The following FAT3 variants were observed in gnomAD, a reference collection of about 807,000 sequenced individuals.
FAT3 encodes protocadherin Fat 3.
FAT3 carries 95 observed loss-of-function variants against 310.2 expected under a neutral mutation model. The observed-to-expected ratio is 0.31, with a 90% CI of 0.26 to 0.36. FAT3 has a LOEUF of 0.36. FAT3 is among the 10% of genes least tolerant of loss of function. The pLI is 1.00. For synonymous variants in FAT3, 2,314 were observed against 2,192.9 expected, an observed-to-expected ratio of 1.06 and a Z score of -1.54; for missense variants, 5,408 against 5,715.6, an observed-to-expected ratio of 0.95 and a Z score of 1.74.
chr11:92,638,816 A>G (rs1941859892), intron 3 of FAT3, among the ~76,000 whole-genome samples: 1 of 152,146 alleles, frequency 6.6e-6, no homozygotes, highest in East Asian at 1.9e-4. Context: ...GTGAACTGTC[A>G]GTGTTTTTAA....
intron 1 of FAT3, among the ~76,000 whole-genome samples, chr11:92,333,352 G>A (rs1947967848): frequency 6.6e-6 from 1 of 152,090 alleles, no homozygotes; most frequent in South Asian, 2.1e-4. Flanking sequence ...TTCTCCTTAA[G>A]TCATATTAGT....
rs191634014 is a variant in FAT3 at position 92,469,329 on chromosome 11, A to G, written c.3293-55305A>G. On this transcript the variant is annotated intron_variant, in intron 2 of 27. Coordinates refer to ENST00000525166, the MANE Select transcript of FAT3 (RefSeq NM_001367949.2). The stretch of plus-strand genomic sequence containing the variant: ...TTTATAAAGCACTTATTTGCCTTCA[A>G]GAATTTTGGGGGCTGATTTATAAGC... 3.9e-5 allele frequency among the ~76,000 whole-genome samples: 6 copies of G among 152,292 alleles called. No individual in the cohort carries two copies. The East Asian group carries it at 9.6e-4, about 24-fold the overall frequency.
intron 3 of FAT3, among the ~76,000 whole-genome samples, chr11:92,628,767 A>G (rs1251835057): frequency 6.6e-6 from 1 of 152,190 alleles, no homozygotes; most frequent in Admixed American, 6.5e-5. Flanking sequence ...AATATCATTC[A>G]CAGTTGCTGT....
chr11:92,511,034 C>A (rs1953272201), intron 2 of FAT3, among the ~76,000 whole-genome samples: 1 of 152,242 alleles, frequency 6.6e-6, no homozygotes. Flanking sequence ...GGCACTGATT[C>A]TGGCAGCCTG....
chr11:92,677,540 A>G (rs917944128), intron 3 of FAT3, among the ~76,000 whole-genome samples: 2 of 152,198 alleles, frequency 1.3e-5, no homozygotes, highest in African/African-American at 2.4e-5. Flanking sequence ...CCTATAACAG[A>G]ATACCTGAGA....
At chr11:92,728,297 G>A (rs1347790936) in intron 4 of FAT3, among the ~76,000 whole-genome samples, 3 of 152,142 alleles carry the variant, frequency 2.0e-5, no homozygotes, top group Admixed American at 2.0e-4. Flanking sequence ...CACAGGCAGT[G>A]TGCCTTTGTT....
At chr11:92,235,300 A>G (rs1864372749) in intron 1 of FAT3, among the ~76,000 whole-genome samples, 1 of 152,158 alleles carries the variant, frequency 6.6e-6, no homozygotes, top group South Asian at 2.1e-4. Flanking sequence ...TAGTTCCTGT[A>G]GTCACTGGTT....
chr11:92,652,003 A>G (rs753171792), intron 3 of FAT3, among the ~76,000 whole-genome samples: 75 of 152,174 alleles, frequency 4.9e-4, no homozygotes, highest in Non-Finnish European at 1.5e-4. Context: ...TTTGAAGGTA[A>G]AGGATTCACT....
intron 7 of FAT3, among the ~76,000 whole-genome samples, chr11:92,777,736 C>T (rs1490192550): frequency 6.6e-6 from 1 of 152,096 alleles, no homozygotes; most frequent in East Asian, 1.9e-4. Context: ...TCTCCGCACC[C>T]TAGTCTTCTT....
intron 1 of FAT3, among the ~76,000 whole-genome samples, chr11:92,323,206 TATACATATAC>T (rs888186234): frequency 1.2e-4 from 18 of 152,032 alleles, no homozygotes; most frequent in Non-Finnish European, 2.5e-4. Context: ...GTAATATATA[TATACATATAC>T]ATACATATAT....
chr11:92,891,544 G>A lies in FAT3; in HGVS notation c.*431G>A, dbSNP rs1037453159. 6.4e-5 allele frequency: 11 copies of A among 173,204 alleles called. No homozygotes were observed. The highest frequency in any genetic ancestry group is 2.6e-4 in the African/African-American group (11 of 42,416). 10.7% of individuals were successfully genotyped at this position (173,204 alleles called of 1,614,324 possible). A position where few individuals can be genotyped will look rare whatever the true frequency, so the allele number is the denominator to read the frequency against. Reference sequence around the variant, plus strand: ...TTGAGCCAATGAAATGAAAATAGTAGTAATGATTGTTGGAAAAGTTAGTCT... The same window carrying A: ...TTGAGCCAATGAAATGAAAATAGTAATAATGATTGTTGGAAAAGTTAGTCT... On this transcript the variant is annotated 3_prime_UTR_variant, in exon 28 of 28. Transcript: ENST00000525166.
At chr11:92,607,850 T>G (rs1273891404) in intron 3 of FAT3, among the ~76,000 whole-genome samples, 1 of 152,218 alleles carries the variant, frequency 6.6e-6, no homozygotes, top group African/African-American at 2.4e-5. Flanking sequence ...GCCAGTTTTC[T>G]ATATACCTTT....
intron 4 of FAT3, among the ~76,000 whole-genome samples, chr11:92,735,566 A>G (rs1945318647): frequency 1.6e-5 from 2 of 128,234 alleles, no homozygotes; most frequent in Non-Finnish European, 3.6e-5. Flanking sequence ...GCATAGATAG[A>G]TAGATAGATA....
chr11:92,312,453 C>T (rs1380881740), intron 1 of FAT3, among the ~76,000 whole-genome samples: 1 of 152,058 alleles, frequency 6.6e-6, no homozygotes, highest in African/African-American at 2.4e-5. Flanking sequence ...GTTTCCAAGC[C>T]TCTGAAAGTA....
At chr11:92,749,902 A>G (rs940754622) in intron 4 of FAT3, among the ~76,000 whole-genome samples, 1 of 152,212 alleles carries the variant, frequency 6.6e-6, no homozygotes, top group African/African-American at 2.4e-5. Context: ...AGGGTAACAT[A>G]TTATTAGTAA....
At chr11:92,697,529 T>C in intron 4 of FAT3, 84 bp downstream of exon 4, 2 of 1,283,934 alleles carry the variant, frequency 1.6e-6, no homozygotes, top group African/African-American at 1.5e-5. Flanking sequence ...ACACCTTCAA[T>C]ATATTTGAAC....
chr11:92,551,867 A>G (rs1242326857), intron 3 of FAT3, among the ~76,000 whole-genome samples: 1 of 152,244 alleles, frequency 6.6e-6, no homozygotes, highest in Non-Finnish European at 1.5e-5. Context: ...AATTTGGTGT[A>G]TAAGATAAAT....
rs140361755 is a variant in FAT3 at position 92,652,552 on chromosome 11, G to A, written c.3608-44832G>A. Among the ~76,000 whole-genome samples the A allele has an allele frequency of 1.0e-3, 159 of 152,240 alleles. 1 individual carries two copies. The highest frequency in any genetic ancestry group is 3.7e-3 in the African/African-American group (155 of 41,548). ...ATGAAAACACAGAAATCAGTAGCTT[G>A]CCTAGGATGAAGAACATGAGGCTTC... On this transcript the variant is annotated intron_variant, in intron 3 of 27. Coordinates refer to ENST00000525166, the MANE Select transcript of FAT3 (RefSeq NM_001367949.2).
At chr11:92,434,275 G>A (rs1050897203) in intron 2 of FAT3, among the ~76,000 whole-genome samples, 3 of 152,114 alleles carry the variant, frequency 2.0e-5, no homozygotes, top group African/African-American at 7.2e-5. Flanking sequence ...AAGGCAGACT[G>A]TTGCTATCTT....
Sources: gnomAD v4.1 joint callset for allele counts (sites outside exome capture counted in the v4.1 genomes callset) on GRCh38, gnomAD v4.1.1 for gene constraint, MANE v1.5 for transcripts, NCBI Gene and HGNC (gene_info 2026-07-23, HGNC 2026-07-21) for gene names.